EML4: variants seen among roughly 807,000 people sequenced by gnomAD.
EML4 encodes the protein EMAP like 4, also known as echinoderm microtubule-associated protein-like 4.
Under a neutral mutation model 129.0 loss-of-function variants are expected in EML4, and 72 were observed. The ratio of observed to expected loss-of-function variants is 0.56; its 90% CI spans 0.46 to 0.68. The LOEUF (loss-of-function observed/expected upper bound fraction) is 0.68. Among genes scored for constraint, EML4 ranks in the 30% least tolerant of loss-of-function variants. EML4 has a pLI of 0.00. For synonymous variants in EML4, 532 were observed against 405.0 expected, an observed-to-expected ratio of 1.31 and a Z score of -3.77; for missense variants, 1,363 against 1,190.6, an observed-to-expected ratio of 1.14 and a Z score of -2.13.
chr2:42,256,556 T>A lies in EML4; in HGVS notation c.264T>A (p.Gly88=). 1 of 1,613,850 alleles carries A rather than the reference T, an allele frequency of 6.2e-7. No individual in the cohort carries two copies. The highest frequency in any genetic ancestry group is 8.5e-7 in the Non-Finnish European group (1 of 1,179,836). ...IPMSCITNGS[G]ANRKPSHTSA... ...TGTCCTGTATAACCAATGGAAGTGG[T>A]GCAAACAGAAAACCAAGTCATACCA... Residue 88 remains glycine, a synonymous_variant, in exon 3 of 23, where the codon GGT becomes GGA. Transcript: ENST00000318522.
chr2:42,303,577 G>A (rs761064427), intron 16 of EML4, 131 bp downstream of exon 16: 1 of 997,304 alleles, frequency 1.0e-6, no homozygotes, highest in Non-Finnish European at 1.5e-6. Context: ...GTAATAGAGG[G>A]TGGAGATAAG....
At chr2:42,224,369 A>C (rs1346907690) in intron 1 of EML4, among the ~76,000 whole-genome samples, 2 of 152,194 alleles carry the variant, frequency 1.3e-5, no homozygotes, top group Non-Finnish European at 2.9e-5. Context: ...ATGTTGCAGC[A>C]TGTATCACTG....
intron 2 of EML4, among the ~76,000 whole-genome samples, 165 bp from the exon 3 acceptor site, chr2:42,256,336 C>T (rs1289427632): frequency 6.6e-6 from 1 of 152,172 alleles, no homozygotes; most frequent in East Asian, 1.9e-4. Context: ...GAGACAGTAT[C>T]ATGTGCTGCA....
chr2:42,256,031 T>G (rs796396858), intron 2 of EML4, among the ~76,000 whole-genome samples: 2 of 152,258 alleles, frequency 1.3e-5, no homozygotes, highest in Admixed American at 6.5e-5. Context: ...GTATATGTAC[T>G]GTGTAAGTTA....
intron 5 of EML4, 144 bp from the exon 6 acceptor site, chr2:42,264,562 A>G: frequency 1.6e-6 from 1 of 623,564 alleles, no homozygotes. Flanking sequence ...AAACTTTAAA[A>G]AATGCTGATT....
intron 1 of EML4, chr2:42,169,947 C>T (rs927952238): frequency 6.1e-6 from 2 of 328,850 alleles, no homozygotes; most frequent in Admixed American, 5.0e-5. Flanking sequence ...CCTCCCCGTA[C>T]ACTCACGGCT....
At chr2:42,291,838 G>A (rs745645211) in intron 11 of EML4, among the ~76,000 whole-genome samples, 1 of 152,032 alleles carries the variant, frequency 6.6e-6, no homozygotes, top group Non-Finnish European at 1.5e-5. Flanking sequence ...AAAGACTTCC[G>A]GCACTACATA....
intron 1 of EML4, among the ~76,000 whole-genome samples, chr2:42,238,247 A>G (rs1222493854): frequency 6.6e-6 from 1 of 152,230 alleles, no homozygotes; most frequent in African/African-American, 2.4e-5. Context: ...AATTCAGATA[A>G]GGGATACTCA....
At chr2:42,221,261 G>T (rs1291335735) in intron 1 of EML4, among the ~76,000 whole-genome samples, 1 of 152,082 alleles carries the variant, frequency 6.6e-6, no homozygotes, top group African/African-American at 2.4e-5. Flanking sequence ...TATTGTAGCT[G>T]ATGACTTTAA....
intron 6 of EML4, among the ~76,000 whole-genome samples, chr2:42,279,294 C>G (rs1666868966): frequency 6.6e-6 from 1 of 152,122 alleles, no homozygotes; most frequent in Non-Finnish European, 1.5e-5. Context: ...AATTTCAGTT[C>G]TTCTAGAAAA....
chr2:42,233,134 C>T (rs1181710391), intron 1 of EML4, among the ~76,000 whole-genome samples: 1 of 152,134 alleles, frequency 6.6e-6, no homozygotes, highest in Non-Finnish European at 1.5e-5. Context: ...TTCATAACTC[C>T]TCACATTTAG....
At chr2:42,264,897 A>T in intron 6 of EML4, 166 bp downstream of exon 6, 1 of 1,549,928 alleles carries the variant, frequency 6.5e-7, no homozygotes, top group Non-Finnish European at 8.7e-7. Context: ...TTGTAAGGTA[A>T]TGTCATTTTT....
At chr2:42,189,119 G>A (rs1029777980) in intron 1 of EML4, among the ~76,000 whole-genome samples, 11 of 151,536 alleles carry the variant, frequency 7.3e-5, no homozygotes, top group African/African-American at 2.4e-4. Flanking sequence ...CTCCCTACTC[G>A]GCCTCCCAAA....
intron 1 of EML4, 107 bp downstream of exon 1, chr2:42,169,743 G>A (rs948592943): frequency 2.3e-6 from 3 of 1,312,524 alleles, no homozygotes; most frequent in Non-Finnish European, 3.1e-6. Flanking sequence ...GGGTGGCAGC[G>A]GCTCCACTGC....
At position 42,277,609 on chromosome 2, in the gene EML4, G is replaced by A. The variant is rs528934592; in HGVS notation, c.668-3241G>A. Among the ~76,000 whole-genome samples, 25 of 141,060 alleles carry A rather than the reference G, an allele frequency of 1.8e-4. No individual in the cohort carries two copies. In the East Asian group the frequency reaches 4.7e-3, roughly 27 times the overall value. The allele number at this position is 141,060 out of a possible 152,430, so 92.5% of individuals were successfully genotyped here. A position where few individuals can be genotyped will look rare whatever the true frequency, so the allele number is the denominator to read the frequency against. ...TTTTGAGACGGAGTCTCACTCTGTCGCCAGGCTGGAGTGCAGTGGCGTGAT... is the reference window on the plus strand; with the variant it reads ...TTTTGAGACGGAGTCTCACTCTGTCACCAGGCTGGAGTGCAGTGGCGTGAT... On this transcript the variant is annotated intron_variant, in intron 6 of 22. Transcript: ENST00000318522.
At chr2:42,279,913 A>T (rs1666912472) in intron 6 of EML4, among the ~76,000 whole-genome samples, 1 of 151,970 alleles carries the variant, frequency 6.6e-6, no homozygotes, top group South Asian at 2.1e-4. Flanking sequence ...GGCCATTTTT[A>T]TGTCTTTGGA....
chr2:42,182,125 C>CTTTTTTTT (rs1164289811), intron 1 of EML4, among the ~76,000 whole-genome samples: 2 of 102,750 alleles, frequency 1.9e-5, no homozygotes, highest in African/African-American at 3.4e-5. Context: ...CCACTGGTTT[C>CTTTTTTTT]TTTTTTTTTT....
At position 42,231,034 on chromosome 2, in the gene EML4, C is replaced by T. The variant is rs72796538; in HGVS notation, c.26-14471C>T. ...GCTTTGCAGACACTCTCTTCACCCC[C>T]GTCTGGTTAAACCCTTTCCATCTTC... is the stretch of plus-strand genomic sequence containing the variant. On this transcript the variant is annotated intron_variant, in intron 1 of 22. Transcript: ENST00000318522. Among the ~76,000 whole-genome samples the T allele has an allele frequency of 3.4e-3, 524 of 152,294 alleles. 3 individuals carry two copies. The highest frequency in any genetic ancestry group is 6.8e-3 in the Middle Eastern group (2 of 294).
chr2:42,305,476 A>T (rs1046497033), intron 17 of EML4, among the ~76,000 whole-genome samples: 1 of 152,218 alleles, frequency 6.6e-6, no homozygotes, highest in African/African-American at 2.4e-5. Context: ...AAGCTGATGT[A>T]ACACCATTGA....
Sources: gnomAD v4.1 joint callset for allele counts (sites outside exome capture counted in the v4.1 genomes callset) on GRCh38, gnomAD v4.1.1 for gene constraint, MANE v1.5 for transcripts, NCBI Gene and HGNC (gene_info 2026-07-23, HGNC 2026-07-21) for gene names.